The following KPNA6 variants were observed in gnomAD, a reference collection of about 807,000 sequenced individuals.
KPNA6 encodes the protein karyopherin subunit alpha 6, also known as importin subunit alpha-7.
In KPNA6, 9 loss-of-function variants were observed where a neutral mutation model predicts 72.0. The ratio of observed to expected loss-of-function variants is 0.13; its 90% CI spans 0.08 to 0.22. The LOEUF is 0.22. KPNA6 is among the 10% of genes least tolerant of loss of function. The pLI is 1.00. For missense variants in KPNA6, 374 were observed against 655.7 expected (o/e 0.57, Z 4.69); for synonymous variants, 219 against 242.1 (o/e 0.90, Z 0.89).
intron 1 of KPNA6, among the ~76,000 whole-genome samples, chr1:32,149,033 C>A (rs148201947): frequency 6.6e-6 from 1 of 152,164 alleles, no homozygotes; most frequent in African/African-American, 2.4e-5. Flanking sequence ...CCACTCGATT[C>A]TGTTCATTTT....
intron 1 of KPNA6, among the ~76,000 whole-genome samples, chr1:32,122,089 C>T (rs1160748252): frequency 1.3e-5 from 2 of 151,848 alleles, no homozygotes; most frequent in Non-Finnish European, 2.9e-5. Context: ...GCCTGGCCAA[C>T]ATGGTGAAAC....
At chr1:32,158,126 TA>T (rs1435315429) in intron 4 of KPNA6, 140 bp from the exon 5 acceptor site, 4 of 624,990 alleles carry the variant, frequency 6.4e-6, no homozygotes, top group Non-Finnish European at 1.1e-5. Flanking sequence ...TAGATATTGT[TA>T]AAACCACCTT....
chr1:32,153,422 C>T (rs1465509026), intron 1 of KPNA6, among the ~76,000 whole-genome samples: 1 of 151,152 alleles, frequency 6.6e-6, no homozygotes, highest in Non-Finnish European at 1.5e-5. Flanking sequence ...AAAAATTAGC[C>T]GTATTAGGCG....
chr1:32,142,448 T>TC (rs1641856656), intron 1 of KPNA6, among the ~76,000 whole-genome samples: 1 of 152,096 alleles, frequency 6.6e-6, no homozygotes, highest in Non-Finnish European at 1.5e-5. Context: ...AAGGACTCTA[T>TC]CTTCAAATAT....
chr1:32,119,002 A>G (rs1344751516), intron 1 of KPNA6, among the ~76,000 whole-genome samples: 296 of 59,960 alleles, frequency 4.9e-3, no homozygotes, highest in South Asian at 0.024. Flanking sequence ...GTATACATAT[A>G]TATATATATA....
intron 1 of KPNA6, among the ~76,000 whole-genome samples, chr1:32,143,870 A>G (rs1160731222): frequency 6.6e-6 from 1 of 152,148 alleles, no homozygotes; most frequent in Non-Finnish European, 1.5e-5. Flanking sequence ...CACTTAGCAC[A>G]TTAATTTCAA....
At chr1:32,129,750 A>G (rs1242999610) in intron 1 of KPNA6, among the ~76,000 whole-genome samples, 1 of 151,976 alleles carries the variant, frequency 6.6e-6, no homozygotes, top group Non-Finnish European at 1.5e-5. Context: ...TTTAGTAGAG[A>G]CGAGGTCTCA....
At chr1:32,134,249 T>G (rs1265701438) in intron 1 of KPNA6, among the ~76,000 whole-genome samples, 1 of 145,658 alleles carries the variant, frequency 6.9e-6, no homozygotes, top group Non-Finnish European at 1.5e-5. Flanking sequence ...AGTACAACAC[T>G]TCGTCTCAAA....
chr1:32,117,814 A>G (rs982967793), intron 1 of KPNA6, among the ~76,000 whole-genome samples: 4 of 152,188 alleles, frequency 2.6e-5, no homozygotes, highest in Non-Finnish European at 5.9e-5. Flanking sequence ...ACGCTTACTC[A>G]GTATGATTCT....
intron 1 of KPNA6, among the ~76,000 whole-genome samples, chr1:32,146,270 G>C (rs1185031236): frequency 2.0e-5 from 3 of 152,168 alleles, no homozygotes; most frequent in Admixed American, 6.6e-5. Flanking sequence ...CTGCACTTCT[G>C]TCAGAACTTG....
At chr1:32,160,005 G>C (rs1201704369) in intron 6 of KPNA6, among the ~76,000 whole-genome samples, 1 of 152,206 alleles carries the variant, frequency 6.6e-6, no homozygotes, top group Non-Finnish European at 1.5e-5. Context: ...GCAGCTACAA[G>C]AGTGCAACTT....
chr1:32,167,344 C>A lies in KPNA6; in HGVS notation c.1244+48C>A, dbSNP rs749982838. 54 of 1,610,818 alleles carry A rather than the reference C, an allele frequency of 3.4e-5. 1 individual carries two copies. The highest frequency in any genetic ancestry group is 4.4e-5 in the Non-Finnish European group (52 of 1,177,796). ...TCTTGAATGATAATGGATGCTCTCC[C>A]TGTTTGCTCATGGTTTACAGGTGAC... On this transcript the variant is annotated intron_variant, in intron 12 of 13. Transcript: ENST00000373625.
At chr1:32,131,668 A>G (rs2124535680) in intron 1 of KPNA6, among the ~76,000 whole-genome samples, 1 of 150,816 alleles carries the variant, frequency 6.6e-6, no homozygotes, top group Non-Finnish European at 1.5e-5. Flanking sequence ...ACACACAACA[A>G]AGGAGTTGTG....
intron 10 of KPNA6, among the ~76,000 whole-genome samples, chr1:32,164,095 C>G (rs140841894): frequency 6.6e-6 from 1 of 152,298 alleles, no homozygotes; most frequent in African/African-American, 2.4e-5. Context: ...AACCACCATT[C>G]TATTTTCTGT....
chr1:32,128,387 T>TTATATATATATATATATATA (rs67312157), intron 1 of KPNA6, among the ~76,000 whole-genome samples: 36 of 72,154 alleles, frequency 5.0e-4, no homozygotes, highest in Non-Finnish European at 7.8e-4. Context: ...ATATATGTAT[T>TTATATATATATATATATATA]TATATATATA....
intron 1 of KPNA6, among the ~76,000 whole-genome samples, chr1:32,111,270 A>T (rs1641239772): frequency 6.6e-6 from 1 of 152,216 alleles, no homozygotes; most frequent in African/African-American, 2.4e-5. Context: ...TAAGCCACAA[A>T]GCCAGGAGTA....
At chr1:32,155,555 T>C (rs1472879024) in intron 2 of KPNA6, among the ~76,000 whole-genome samples, 1 of 151,940 alleles carries the variant, frequency 6.6e-6, no homozygotes, top group African/African-American at 2.4e-5. Flanking sequence ...ACTCCTGACC[T>C]TGTGATCTGC....
At chr1:32,131,110 A>G (rs1641628480) in intron 1 of KPNA6, among the ~76,000 whole-genome samples, 1 of 152,154 alleles carries the variant, frequency 6.6e-6, no homozygotes, top group Non-Finnish European at 1.5e-5. Flanking sequence ...CCTGGCCAAC[A>G]TGGTGAAACC....
At chr1:32,115,031 T>C (rs1238946424) in intron 1 of KPNA6, among the ~76,000 whole-genome samples, 3 of 152,106 alleles carry the variant, frequency 2.0e-5, no homozygotes, top group Non-Finnish European at 2.9e-5. Context: ...ATAGAGACAG[T>C]GTTTCGCCGT....
Sources: allele counts gnomAD v4.1 joint callset (sites outside exome capture counted in the v4.1 genomes callset), GRCh38; gene constraint gnomAD v4.1.1; transcripts MANE v1.5; gene names NCBI Gene and HGNC (gene_info 2026-07-23, HGNC 2026-07-21).